Variants in NEURL1 observed in about 807,000 individuals in gnomAD.
The protein encoded by NEURL1 is neuralized E3 ubiquitin protein ligase 1, also known as E3 ubiquitin-protein ligase NEURL1.
A neutral mutation model predicts 41.2 loss-of-function variants in NEURL1; 26 were observed. The observed-to-expected ratio is 0.63, with a 90% CI of 0.46 to 0.87. NEURL1 has a LOEUF of 0.87. NEURL1 is among the 40% of genes least tolerant of loss of function. The probability of loss-of-function intolerance (pLI) is 0.00; values close to 1 mark genes in which losing one functional copy is unlikely to be tolerated. For missense variants in NEURL1, 761 were observed against 871.1 expected, an observed-to-expected ratio of 0.87 and a Z score of 1.59; for synonymous variants, 400 against 402.3, an observed-to-expected ratio of 0.99 and a Z score of 0.07.
chr10:103,590,777 G>C lies in NEURL1; in HGVS notation c.*405G>C. On this transcript the variant is annotated 3_prime_UTR_variant, in exon 6 of 6. Coordinates refer to ENST00000369780, the MANE Select transcript of NEURL1 (RefSeq NM_004210.5). ...ATGTACCTTCCTCTGGGCAGCTGCA[G>C]CCCTGAGCCAGGACATGTGGCCTGG... 4.0e-6 allele frequency: 1 copy of C among 248,820 alleles called. No individual in the cohort carries two copies. Among genetic ancestry groups the C allele is most frequent in the East Asian group, 1.0e-4 (1 of 9,700 alleles). The allele number at this position is 248,820 out of a possible 1,614,324, so 15.4% of individuals were successfully genotyped here. A position where few individuals can be genotyped will look rare whatever the true frequency, so the allele number is the denominator to read the frequency against.
At chr10:103,499,925 C>A (rs1003598031) in intron 1 of NEURL1, among the ~76,000 whole-genome samples, 2 of 152,240 alleles carry the variant, frequency 1.3e-5, no homozygotes, top group South Asian at 2.1e-4. Flanking sequence ...CCCTTCCCCG[C>A]TTCAGTCACC....
At chr10:103,582,006 G>C (rs1420421712) in intron 3 of NEURL1, among the ~76,000 whole-genome samples, 1 of 152,222 alleles carries the variant, frequency 6.6e-6, no homozygotes, top group Admixed American at 6.5e-5. Context: ...TGAAGGGGCA[G>C]AGAGACCAGG....
intron 1 of NEURL1, among the ~76,000 whole-genome samples, chr10:103,530,208 T>C (rs1320598915): frequency 6.6e-6 from 1 of 152,182 alleles, no homozygotes; most frequent in Non-Finnish European, 1.5e-5. Context: ...TCTACTCTGG[T>C]CTTTACTATA....
intron 1 of NEURL1, among the ~76,000 whole-genome samples, chr10:103,526,551 A>C (rs1224243462): frequency 6.6e-6 from 1 of 151,734 alleles, no homozygotes; most frequent in Non-Finnish European, 1.5e-5. Flanking sequence ...TCACTCTGTC[A>C]CTCAGGCTGG....
chr10:103,528,368 G>GA (rs201560925), intron 1 of NEURL1, among the ~76,000 whole-genome samples: 27 of 149,176 alleles, frequency 1.8e-4, no homozygotes, highest in East Asian at 3.9e-4. Context: ...AGAACAGAAA[G>GA]AAAAAAAAAT....
At chr10:103,586,640 G>A (rs1323937185) in intron 4 of NEURL1, among the ~76,000 whole-genome samples, 1 of 152,222 alleles carries the variant, frequency 6.6e-6, no homozygotes, top group Non-Finnish European at 1.5e-5. Context: ...ATACACATAT[G>A]TTAATGCATG....
At chr10:103,589,438 C>A (rs2035990942) in intron 4 of NEURL1, 76 bp from the exon 5 acceptor site, 4 of 1,491,032 alleles carry the variant, frequency 2.7e-6, no homozygotes, top group Non-Finnish European at 3.6e-6. Context: ...TGGGAACCCA[C>A]TGTGAGGGAC....
Position 103,545,899 on chromosome 10 carries a change from C to T in NEURL1, c.86-24973C>T, listed in dbSNP as rs1564816854. 6.6e-6 allele frequency among the ~76,000 whole-genome samples: 1 copy of T among 152,182 alleles called. No homozygotes were observed. Among genetic ancestry groups the T allele is most frequent in the Non-Finnish European group, 1.5e-5 (1 of 68,028 alleles). ...GCCCAGAGCCTGGCTGGGGCAAGGC[C>T]TGCAGGTGGGTGCCTAGGTGCATGA... On this transcript the variant is annotated intron_variant, in intron 1 of 5. Coordinates refer to ENST00000369780, the MANE Select transcript of NEURL1 (RefSeq NM_004210.5). The surrounding 1 kb of genome is among the most constrained non-coding windows in gnomAD (Gnocchi z 4.5).
chr10:103,547,691 T>C (rs2034951582), intron 1 of NEURL1, among the ~76,000 whole-genome samples: 2 of 152,130 alleles, frequency 1.3e-5, no homozygotes, highest in African/African-American at 4.8e-5. Context: ...AAGTTGTATA[T>C]GTGAATGTGA....
At chr10:103,514,183 G>C (rs531302910) in intron 1 of NEURL1, among the ~76,000 whole-genome samples, 1 of 151,794 alleles carries the variant, frequency 6.6e-6, no homozygotes, top group Admixed American at 6.6e-5. Context: ...CCGCCTCCTG[G>C]GGTTCAAGCA....
At position 103,508,088 on chromosome 10, in the gene NEURL1, G is replaced by C. The variant is rs1046337918; in HGVS notation, c.85+13616G>C. ...GGATGGATGGCCCTGTAGTAAAACAGAATGCGGAAGAGCAGCTGAGAACCA... is the reference window on the plus strand; with the variant it reads ...GGATGGATGGCCCTGTAGTAAAACACAATGCGGAAGAGCAGCTGAGAACCA... On this transcript the variant is annotated intron_variant, in intron 1 of 5. Transcript: ENST00000369780. This position sits in a 1 kb window ranked among gnomAD's most constrained non-coding sequence, Gnocchi z 4.3. Among the ~76,000 whole-genome samples, 2 of 152,242 alleles carry C rather than the reference G, an allele frequency of 1.3e-5. No individual in the cohort carries two copies. Among genetic ancestry groups the C allele is most frequent in the Non-Finnish European group, 2.9e-5 (2 of 68,046 alleles).
At position 103,590,570 on chromosome 10, in the gene NEURL1, G is replaced by C; in HGVS notation, c.*198G>C. Reference sequence around the variant, plus strand: ...GGGAGGGGGCAGAGGCAAATCACCGGGCAGAGGGAGGGGAGGAGAGGAGGC... The same window carrying C: ...GGGAGGGGGCAGAGGCAAATCACCGCGCAGAGGGAGGGGAGGAGAGGAGGC... On this transcript the variant is annotated 3_prime_UTR_variant, in exon 6 of 6. Coordinates refer to ENST00000369780, the MANE Select transcript of NEURL1 (RefSeq NM_004210.5). The C allele has an allele frequency of 1.7e-6, 1 of 593,294 alleles. No homozygotes were observed. The highest frequency in any genetic ancestry group is 3.0e-6 in the Non-Finnish European group (1 of 332,876). 36.8% of individuals were successfully genotyped at this position (593,294 alleles called of 1,614,324 possible). A position where few individuals can be genotyped will look rare whatever the true frequency, so the allele number is the denominator to read the frequency against.
At chr10:103,560,077 A>G (rs1329341688) in intron 1 of NEURL1, among the ~76,000 whole-genome samples, 1 of 151,902 alleles carries the variant, frequency 6.6e-6, no homozygotes, top group East Asian at 1.9e-4. Flanking sequence ...GCACACACAC[A>G]TACACACTCA....
chr10:103,548,215 G>A (rs1256524080), intron 1 of NEURL1, among the ~76,000 whole-genome samples: 1 of 152,212 alleles, frequency 6.6e-6, no homozygotes, highest in African/African-American at 2.4e-5. Context: ...AGGCACCCAT[G>A]CAATCATACA....
intron 1 of NEURL1, among the ~76,000 whole-genome samples, chr10:103,520,169 G>A (rs1173139719): frequency 6.6e-6 from 1 of 152,044 alleles, no homozygotes; most frequent in African/African-American, 2.4e-5. Flanking sequence ...ACATATGAAG[G>A]AAAAAATAAG....
intron 1 of NEURL1, among the ~76,000 whole-genome samples, chr10:103,521,504 G>A (rs1402533342): frequency 3.9e-5 from 6 of 152,182 alleles, no homozygotes; most frequent in African/African-American, 1.4e-4. Flanking sequence ...AATCCCTGAC[G>A]AGTAGCAGAA....
chr10:103,573,780 T>G (rs2035597915), intron 3 of NEURL1, among the ~76,000 whole-genome samples: 1 of 152,210 alleles, frequency 6.6e-6, no homozygotes, highest in Non-Finnish European at 1.5e-5. Context: ...GGCAACATTC[T>G]TGCTTTTCCC....
intron 1 of NEURL1, among the ~76,000 whole-genome samples, chr10:103,537,916 T>C (rs1221886963): frequency 6.6e-6 from 1 of 152,096 alleles, no homozygotes; most frequent in Non-Finnish European, 1.5e-5. Context: ...ACCCCCCGCC[T>C]CTGCCATAAT....
At chr10:103,494,772 G>A (rs1182617269) in intron 1 of NEURL1, 3 of 359,408 alleles carry the variant, frequency 8.3e-6, no homozygotes, top group Non-Finnish European at 1.5e-5. Context: ...CAGGTCGATA[G>A]GGGAGTGGGG....
Sources: allele counts gnomAD v4.1 joint callset (sites outside exome capture counted in the v4.1 genomes callset), GRCh38; gene constraint gnomAD v4.1.1; non-coding constraint Gnocchi (gnomAD v3.1); transcripts MANE v1.5; gene names NCBI Gene and HGNC (gene_info 2026-07-23, HGNC 2026-07-21).